Variants in BCKDHB observed in about 807,000 individuals in gnomAD.
The protein encoded by BCKDHB is 2-oxoisovalerate dehydrogenase subunit beta, mitochondrial.
A neutral mutation model predicts 48.5 loss-of-function variants in BCKDHB; 41 were observed. The ratio of observed to expected loss-of-function variants is 0.85; its 90% confidence interval spans 0.66 to 1.10. The LOEUF (loss-of-function observed/expected upper bound fraction) is 1.10, where lower values mean the gene tolerates loss of function less well. Ranked by LOEUF, BCKDHB falls within the 50% of genes least tolerant of loss-of-function variation. The probability of loss-of-function intolerance (pLI) is 0.00; values close to 1 mark genes in which losing one functional copy is unlikely to be tolerated. For missense variants in BCKDHB, 496 were observed against 494.2 expected, an observed-to-expected ratio of 1.00 and a Z score of -0.03; for synonymous variants, 201 against 174.8, an observed-to-expected ratio of 1.15 and a Z score of -1.18.
rs536443672 is a variant in BCKDHB, at chr6:80,245,272, A to G, written c.952-27863A>G. Among the ~76,000 whole-genome samples the G allele has an allele frequency of 2.7e-3, 412 of 152,252 alleles. 2 individuals carry two copies. The highest frequency in any genetic ancestry group is 9.2e-3 in the African/African-American group (381 of 41,528). On this transcript the variant is annotated intron_variant, in intron 8 of 9. Transcript: ENST00000320393. ...AGTAGTATTTTCTGATAATACCAAT[A>G]ACATGTTTATCAAAAGGTTGCTATG... is the stretch of plus-strand genomic sequence containing the variant.
intron 8 of BCKDHB, among the ~76,000 whole-genome samples, chr6:80,249,166 T>G (rs547162061): frequency 2.9e-4 from 44 of 151,936 alleles, no homozygotes; most frequent in African/African-American, 1.0e-3. Context: ...GCTAATAAGT[T>G]CCTCCCACCC....
At chr6:80,258,269 T>A (rs1243299157) in intron 8 of BCKDHB, among the ~76,000 whole-genome samples, 1 of 152,222 alleles carries the variant, frequency 6.6e-6, no homozygotes, top group Non-Finnish European at 1.5e-5. Flanking sequence ...TGTTTTCACC[T>A]GTTCCTCATC....
the BCKDHB span, among the ~76,000 whole-genome samples, chr6:80,384,475 C>T: frequency 6.6e-6 from 1 of 152,116 alleles, no homozygotes; most frequent in East Asian, 1.9e-4. Flanking sequence ...TCTCCTGACT[C>T]AGCCTCATGA....
At chr6:80,292,854 G>A (rs1158413272) in intron 9 of BCKDHB, among the ~76,000 whole-genome samples, 1 of 152,140 alleles carries the variant, frequency 6.6e-6, no homozygotes, top group Non-Finnish European at 1.5e-5. Flanking sequence ...CAAAACAGAA[G>A]GGCTACAATG....
intron 1 of BCKDHB, among the ~76,000 whole-genome samples, chr6:80,116,021 C>T (rs1436305625): frequency 2.0e-5 from 3 of 152,146 alleles, no homozygotes; most frequent in Non-Finnish European, 4.4e-5. Flanking sequence ...TGCAAGTAGT[C>T]CCTAATTTTC....
At chr6:80,144,671 C>T (rs530295593) in intron 3 of BCKDHB, among the ~76,000 whole-genome samples, 2 of 152,218 alleles carry the variant, frequency 1.3e-5, no homozygotes, top group African/African-American at 4.8e-5. Flanking sequence ...ACTTAATTCA[C>T]GCTCATTTCT....
In BCKDHB at chr6:80,168,959, T is replaced by C; in HGVS notation, c.562T>C (p.Cys188Arg). 1 of 1,614,182 alleles carries C rather than the reference T, an allele frequency of 6.2e-7. No individual in the cohort carries two copies. The highest frequency in any genetic ancestry group is 8.5e-7 in the Non-Finnish European group (1 of 1,180,010). ...CCTCACTATCCGGTCCCCTTGGGGC[T>C]GTGTTGGTCATGGGGCTCTCTATCA... is the stretch of plus-strand genomic sequence containing the variant. ...GSLTIRSPWGCVGHGALYHSQ... is the reference protein window; with the variant it reads ...GSLTIRSPWGRVGHGALYHSQ... Residue 188 changes from cysteine to arginine, a missense_variant, in exon 5 of 10, where the codon TGT becomes CGT. By Grantham distance (180) the Cys-to-Arg change is radical. Coordinates refer to ENST00000320393, the MANE Select transcript of BCKDHB (RefSeq NM_183050.4).
intron 9 of BCKDHB, among the ~76,000 whole-genome samples, chr6:80,303,433 C>T (rs994697637): frequency 6.6e-6 from 1 of 152,060 alleles, no homozygotes. Context: ...TTTCCCATCT[C>T]ATCTGCTTTG....
chr6:80,456,116 G>A, the BCKDHB span, among the ~76,000 whole-genome samples: 1 of 151,984 alleles, frequency 6.6e-6, no homozygotes, highest in Non-Finnish European at 1.5e-5. Flanking sequence ...TCGGGAGGCT[G>A]AGGTGGAAGA....
At chr6:80,378,455 ATGTGTG>A in the BCKDHB span, among the ~76,000 whole-genome samples, 667 of 151,336 alleles carry the variant, frequency 4.4e-3, 6 homozygotes, top group South Asian at 0.011. Context: ...GTGTGTGTGT[ATGTGTG>A]TGTGTGTATA....
rs1050043543 is a variant in BCKDHB at position 80,345,379 on chromosome 6, A to G, written c.*1575A>G. 6.6e-6 allele frequency: 1 copy of G among 152,214 alleles called. No homozygotes were observed. The highest frequency in any genetic ancestry group is 2.4e-5 in the African/African-American group (1 of 41,464). The allele number at this position is 152,214 out of a possible 1,614,324, so 9.4% of individuals were successfully genotyped here. On this transcript the variant is annotated 3_prime_UTR_variant, in exon 10 of 10. Transcript: ENST00000320393. ...CATTCTCTACTTTTTAAAGATCAGA[A>G]ATGCTAGAATTCTTGACTTTTGTGT...
intron 8 of BCKDHB, among the ~76,000 whole-genome samples, chr6:80,265,431 C>T (rs1777472520): frequency 6.6e-6 from 1 of 151,930 alleles, no homozygotes; most frequent in African/African-American, 2.4e-5. Flanking sequence ...CATTATGCAA[C>T]GTGAAATAAG....
At chr6:80,359,676 C>T in the BCKDHB span, among the ~76,000 whole-genome samples, 3 of 152,240 alleles carry the variant, frequency 2.0e-5, no homozygotes, top group East Asian at 5.8e-4. Context: ...CTCACTGCAA[C>T]CTCTGCCTCC....
chr6:80,148,844 T>G (rs1761023266), intron 3 of BCKDHB, among the ~76,000 whole-genome samples: 1 of 152,034 alleles, frequency 6.6e-6, no homozygotes. Context: ...ACTTAAATGT[T>G]AGACCTAAAA....
At chr6:80,441,385 G>A in the BCKDHB span, among the ~76,000 whole-genome samples, 2 of 152,098 alleles carry the variant, frequency 1.3e-5, no homozygotes, top group Non-Finnish European at 2.9e-5. Context: ...ACTCTGGAGA[G>A]CTCAAAACAA....
chr6:80,208,866 C>T (rs1320501441), intron 8 of BCKDHB, among the ~76,000 whole-genome samples: 2 of 151,698 alleles, frequency 1.3e-5, no homozygotes, highest in Non-Finnish European at 3.0e-5. Flanking sequence ...CAAACCCTTA[C>T]GGAGAGTGGA....
the BCKDHB span, among the ~76,000 whole-genome samples, chr6:80,447,072 T>G: frequency 6.6e-6 from 1 of 152,144 alleles, no homozygotes; most frequent in Non-Finnish European, 1.5e-5. Flanking sequence ...TGATGAAGCT[T>G]GGGACCTTGG....
intron 6 of BCKDHB, among the ~76,000 whole-genome samples, chr6:80,194,379 A>G (rs1774040190): frequency 6.6e-6 from 1 of 152,240 alleles, no homozygotes; most frequent in Non-Finnish European, 1.5e-5. Context: ...ATACCAGGAC[A>G]TTAGCATGGA....
intron 6 of BCKDHB, among the ~76,000 whole-genome samples, chr6:80,193,393 A>T (rs1475423626): frequency 6.6e-6 from 1 of 152,126 alleles, no homozygotes; most frequent in Non-Finnish European, 1.5e-5. Flanking sequence ...CGACCTTAAA[A>T]TCATGTTTTA....
Sources: gnomAD v4.1 joint callset for allele counts (sites outside exome capture counted in the v4.1 genomes callset) on GRCh38, gnomAD v4.1.1 for gene constraint, MANE v1.5 for transcripts, NCBI Gene and HGNC (gene_info 2026-07-23, HGNC 2026-07-21) for gene names.